The following SV2C variants were observed in gnomAD, a reference collection of about 807,000 sequenced individuals.
The protein encoded by SV2C is solute carrier family 22 member B3.
A neutral mutation model predicts 79.7 loss-of-function variants in SV2C; 49 were observed. The observed-to-expected ratio is 0.61, with a 90% CI of 0.49 to 0.78. The LOEUF is 0.78. Among genes scored for constraint, SV2C ranks in the 30% least tolerant of loss-of-function variants. The pLI, the probability that SV2C is intolerant of heterozygous loss-of-function variation, is 0.00. For missense variants in SV2C, 833 were observed against 912.9 expected (o/e 0.91, Z 1.13); for synonymous variants, 334 against 333.2 (o/e 1.00, Z -0.03).
chr5:76,307,213 G>A (rs1011951383), intron 12 of SV2C, among the ~76,000 whole-genome samples: 5 of 152,172 alleles, frequency 3.3e-5, no homozygotes, highest in African/African-American at 4.8e-5. Context: ...TTAGTGTAAA[G>A]AGCTAGTTGA....
At chr5:76,270,878 C>T (rs1031243587) in intron 4 of SV2C, among the ~76,000 whole-genome samples, 2 of 151,962 alleles carry the variant, frequency 1.3e-5, no homozygotes, top group African/African-American at 4.8e-5. Context: ...AAACACTTCT[C>T]CTGCCTCAGC....
rs1364590650 is a variant in SV2C at position 76,301,527 on chromosome 5, T to C, written c.1982T>C (p.Leu661Pro). The C allele has an allele frequency of 1.1e-5, 18 of 1,613,600 alleles. No individual in the cohort carries two copies. Among genetic ancestry groups the C allele is most frequent in the Non-Finnish European group, 1.5e-5 (18 of 1,179,682 alleles). ...TCTCTTGACGTGGTCACTGTGGAACTGTACCCCACAGACCGGAGGTATGTT... is the reference window on the plus strand; with the variant it reads ...TCTCTTGACGTGGTCACTGTGGAACCGTACCCCACAGACCGGAGGTATGTT... ...WNSLDVVTVELYPTDRRATGF... is the reference protein window; with the variant it reads ...WNSLDVVTVEPYPTDRRATGF... Residue 661 changes from leucine to proline, a missense_variant, in exon 12 of 13, where the codon CTG becomes CCG. Leu to Pro is a moderately conservative substitution (Grantham distance 98). Transcript: ENST00000502798.
intron 11 of SV2C, 144 bp downstream of exon 11, chr5:76,301,076 GA>G: frequency 1.1e-6 from 1 of 924,886 alleles, no homozygotes; most frequent in Non-Finnish European, 1.6e-6. Flanking sequence ...AAATTATAGT[GA>G]AAATTATGTC....
chr5:75,929,340 C>T, the SV2C span, among the ~76,000 whole-genome samples: 6 of 152,022 alleles, frequency 3.9e-5, no homozygotes, highest in Non-Finnish European at 8.8e-5. Flanking sequence ...CTTCTACCCT[C>T]AGGTGCCCAG....
the SV2C span, among the ~76,000 whole-genome samples, chr5:76,057,303 T>C: frequency 6.6e-6 from 1 of 152,134 alleles, no homozygotes; most frequent in African/African-American, 2.4e-5. Flanking sequence ...TATGTATACA[T>C]GTGCTATGTT....
At chr5:76,102,138 A>G (rs1439659574) in intron 1 of SV2C, among the ~76,000 whole-genome samples, 1 of 152,182 alleles carries the variant, frequency 6.6e-6, no homozygotes, top group Non-Finnish European at 1.5e-5. Context: ...TAAAATCACC[A>G]AAACACCATG....
intron 4 of SV2C, among the ~76,000 whole-genome samples, chr5:76,233,055 T>C (rs939809917): frequency 7.1e-6 from 1 of 141,838 alleles, no homozygotes. Flanking sequence ...ACGATATTGA[T>C]TCTTCCTACC....
intron 2 of SV2C, among the ~76,000 whole-genome samples, chr5:76,168,079 A>G (rs1000838051): frequency 6.6e-6 from 1 of 152,136 alleles, no homozygotes; most frequent in Non-Finnish European, 1.5e-5. Context: ...GTATAAATGC[A>G]CAAGTCTCCA....
At chr5:76,294,318 T>C (rs2112510561) in intron 8 of SV2C, among the ~76,000 whole-genome samples, 1 of 151,670 alleles carries the variant, frequency 6.6e-6, no homozygotes, top group African/African-American at 2.4e-5. Context: ...TTTTTTTTTT[T>C]TTTTGATGGA....
At chr5:75,991,588 C>CATATATATATATATAT in the SV2C span, among the ~76,000 whole-genome samples, 2 of 137,802 alleles carry the variant, frequency 1.5e-5, no homozygotes, top group African/African-American at 2.8e-5. Flanking sequence ...TATATATACA[C>CATATATATATATATAT]ACATATATAT....
the SV2C span, among the ~76,000 whole-genome samples, chr5:76,035,086 G>A: frequency 2.2e-3 from 333 of 152,196 alleles, 1 homozygote; most frequent in Non-Finnish European, 4.0e-3. Context: ...TGTGGGATCA[G>A]TGGTGATATC....
chr5:76,123,682 C>A (rs138511740), intron 1 of SV2C, among the ~76,000 whole-genome samples: 153 of 152,228 alleles, frequency 1.0e-3, no homozygotes, highest in African/African-American at 3.4e-3. Context: ...CGCTTCATGT[C>A]AAATAACATT....
At chr5:76,251,646 T>C (rs1045985074) in intron 4 of SV2C, among the ~76,000 whole-genome samples, 2 of 152,154 alleles carry the variant, frequency 1.3e-5, no homozygotes, top group Non-Finnish European at 2.9e-5. Context: ...ACCAGGGAAT[T>C]TGCATCTCTA....
At chr5:76,156,047 A>G (rs1463142623) in intron 2 of SV2C, among the ~76,000 whole-genome samples, 1 of 151,584 alleles carries the variant, frequency 6.6e-6, no homozygotes, top group Non-Finnish European at 1.5e-5. Context: ...TAGGCCAGCT[A>G]GTTTGCTGGG....
intron 1 of SV2C, among the ~76,000 whole-genome samples, chr5:76,096,004 A>C (rs1023838120): frequency 3.9e-5 from 6 of 152,176 alleles, no homozygotes; most frequent in Admixed American, 1.3e-4. Flanking sequence ...TATCGGTCTT[A>C]ATCCTTATTA....
chr5:76,206,454 G>A (rs1000694519), intron 3 of SV2C, among the ~76,000 whole-genome samples: 1 of 152,208 alleles, frequency 6.6e-6, no homozygotes, highest in Admixed American at 6.5e-5. Flanking sequence ...AAGGCATAGA[G>A]CAACTCAGGA....
the SV2C span, among the ~76,000 whole-genome samples, chr5:76,033,630 A>G: frequency 6.6e-6 from 1 of 152,148 alleles, no homozygotes; most frequent in African/African-American, 2.4e-5. Context: ...TACCAGTACC[A>G]TGCTGTTTTA....
At chr5:76,047,991 G>C in the SV2C span, among the ~76,000 whole-genome samples, 1 of 151,876 alleles carries the variant, frequency 6.6e-6, no homozygotes, top group East Asian at 1.9e-4. Flanking sequence ...TAAGAGAGTG[G>C]ATATGAAGTG....
intron 4 of SV2C, among the ~76,000 whole-genome samples, chr5:76,282,380 T>C (rs548366847): frequency 1.3e-5 from 2 of 152,334 alleles, no homozygotes; most frequent in African/African-American, 4.8e-5. Flanking sequence ...CACTCATCCA[T>C]GTACAGACAA....
Sources: allele counts gnomAD v4.1 joint callset (sites outside exome capture counted in the v4.1 genomes callset), GRCh38; gene constraint gnomAD v4.1.1; transcripts MANE v1.5; gene names NCBI Gene and HGNC (gene_info 2026-07-23, HGNC 2026-07-21).